The following EML5 variants were observed in gnomAD, a reference collection of about 807,000 sequenced individuals.
The protein encoded by EML5 is EMAP like 5, also known as echinoderm microtubule-associated protein-like 5.
Under a neutral mutation model 250.0 loss-of-function variants are expected in EML5, and 120 were observed. The observed-to-expected ratio is 0.48, with a 90% confidence interval of 0.41 to 0.56. The LOEUF is 0.56. Ranked by LOEUF, EML5 falls within the 20% of genes least tolerant of loss-of-function variation. The probability of loss-of-function intolerance (pLI) is 0.00; values close to 1 mark genes in which losing one functional copy is unlikely to be tolerated. For synonymous variants in EML5, 771 were observed against 806.5 expected (o/e 0.96, Z 0.75); for missense variants, 2,006 against 2,437.6 (o/e 0.82, Z 3.73).
At chr14:88,778,012 G>A (rs892914706) in intron 1 of EML5, among the ~76,000 whole-genome samples, 15 of 152,198 alleles carry the variant, frequency 9.9e-5, no homozygotes, top group Non-Finnish European at 4.4e-5. Flanking sequence ...AGGGGACCAA[G>A]TTAGGGCATA....
chr14:88,646,949 G>T lies in EML5; in HGVS notation c.4026C>A (p.Ser1342=). 1 of 1,592,414 alleles carries T rather than the reference G, an allele frequency of 6.3e-7. No individual in the cohort carries two copies. ...IDERQGVVRG[S]RPPVSRAPPQ... Reference sequence around the variant, plus strand: ...AAACACAGCAAAGAGAGGATTACCTGGAACCTCTTTTCAGCAGCAGATAAA... The same window carrying T: ...AAACACAGCAAAGAGAGGATTACCTTGAACCTCTTTTCAGCAGCAGATAAA... Residue 1342 remains serine, a splice_region_variant and synonymous_variant, in exon 29 of 44, where the codon TCC becomes TCA. Coordinates refer to ENST00000554922, the MANE Select transcript of EML5 (RefSeq NM_183387.3).
chr14:88,769,452 C>T (rs943984708), intron 1 of EML5, among the ~76,000 whole-genome samples: 2 of 152,166 alleles, frequency 1.3e-5, no homozygotes, highest in African/African-American at 4.8e-5. Flanking sequence ...CCAGCTAAAC[C>T]TCTTTTCTTT....
At chr14:88,644,771 T>C (rs1408426717) in intron 29 of EML5, 3 of 273,752 alleles carry the variant, frequency 1.1e-5, no homozygotes, top group Admixed American at 4.9e-5. Context: ...AGTGCAGTGG[T>C]GCAATCTTGG....
chr14:88,627,061 C>G lies in EML5; in HGVS notation c.4532-15G>C. ...AATTTTGGCACCTGACAAGATACAA[C>G]AAAATTATCTAGGTTATTACAAGAA... On this transcript the variant is annotated splice_polypyrimidine_tract_variant and intron_variant, in intron 34 of 43. Transcript: ENST00000554922. The G allele has an allele frequency of 3.1e-6, 5 of 1,612,490 alleles. No homozygotes were observed. The highest frequency in any genetic ancestry group is 4.2e-6 in the Non-Finnish European group (5 of 1,179,130).
intron 14 of EML5, among the ~76,000 whole-genome samples, chr14:88,699,876 A>AT (rs765201505): frequency 6.6e-6 from 1 of 152,128 alleles, no homozygotes; most frequent in Non-Finnish European, 1.5e-5. Flanking sequence ...AATCCTATTT[A>AT]TCTCCATTTT....
chr14:88,759,001 A>G (rs973794504), intron 1 of EML5, among the ~76,000 whole-genome samples: 1 of 152,196 alleles, frequency 6.6e-6, no homozygotes, highest in Non-Finnish European at 1.5e-5. Context: ...CTGGAAGGAG[A>G]GGAGAATGGA....
intron 1 of EML5, among the ~76,000 whole-genome samples, chr14:88,766,257 C>T (rs2094318702): frequency 1.3e-5 from 2 of 152,180 alleles, no homozygotes; most frequent in Non-Finnish European, 2.9e-5. Context: ...AGGGAGATAA[C>T]CATTAGGTCT....
At chr14:88,655,902 C>G (rs938714415) in intron 27 of EML5, among the ~76,000 whole-genome samples, 1 of 152,064 alleles carries the variant, frequency 6.6e-6, no homozygotes, top group Non-Finnish European at 1.5e-5. Context: ...AAATGCAAAT[C>G]GAAACCACAA....
At chr14:88,710,974 A>G (rs564556545) in intron 10 of EML5, among the ~76,000 whole-genome samples, 1 of 152,352 alleles carries the variant, frequency 6.6e-6, no homozygotes, top group East Asian at 1.9e-4. Context: ...CTTGACTAAG[A>G]AAACTAAGAA....
At chr14:88,640,252 A>G (rs916954510) in intron 31 of EML5, among the ~76,000 whole-genome samples, 1 of 152,180 alleles carries the variant, frequency 6.6e-6, no homozygotes, top group Non-Finnish European at 1.5e-5. Flanking sequence ...TAGAATATAC[A>G]TTCTTCTCAT....
chr14:88,767,610 G>A (rs888566619), intron 1 of EML5, among the ~76,000 whole-genome samples: 1 of 151,996 alleles, frequency 6.6e-6, no homozygotes, highest in African/African-American at 2.4e-5. Flanking sequence ...TTTCTCAACT[G>A]TATTTTTTTG....
chr14:88,626,597 A>C (rs2089976816), intron 35 of EML5: 1 of 481,078 alleles, frequency 2.1e-6, no homozygotes, highest in South Asian at 2.4e-5. Context: ...AGCCCAGGCG[A>C]CAGAGTGAGA....
At chr14:88,705,433 A>G in intron 12 of EML5, 49 bp downstream of exon 12, 3 of 1,337,476 alleles carry the variant, frequency 2.2e-6, no homozygotes, top group Non-Finnish European at 3.2e-6. Flanking sequence ...AGCAAGATAA[A>G]GAAGAAATTA....
intron 7 of EML5, among the ~76,000 whole-genome samples, chr14:88,732,279 C>T (rs1159465642): frequency 6.6e-6 from 1 of 152,188 alleles, no homozygotes; most frequent in African/African-American, 2.4e-5. Context: ...CAGCTTTCTA[C>T]ATATGGCTAG....
chr14:88,664,027 C>A (rs1220631004), intron 23 of EML5, among the ~76,000 whole-genome samples: 1 of 151,764 alleles, frequency 6.6e-6, no homozygotes, highest in African/African-American at 2.4e-5. Flanking sequence ...CCTATAATCA[C>A]AGCACTTTGG....
intron 27 of EML5, among the ~76,000 whole-genome samples, chr14:88,651,374 T>G (rs2140814828): frequency 6.6e-6 from 1 of 152,182 alleles, no homozygotes; most frequent in South Asian, 2.1e-4. Flanking sequence ...AAGATTTCAG[T>G]TATGACAGTG....
chr14:88,625,382 C>A, intron 35 of EML5: 1 of 404,606 alleles, frequency 2.5e-6, no homozygotes, highest in African/African-American at 2.1e-5. Context: ...CCAATTCTAA[C>A]ATACTATAAT....
Position 88,792,509 on chromosome 14 carries a change from G to T in EML5, c.-6C>A. The T allele has an allele frequency of 7.3e-7, 1 of 1,363,126 alleles. No individual in the cohort carries two copies. Among genetic ancestry groups the T allele is most frequent in the South Asian group, 1.9e-5 (1 of 53,982 alleles). The allele number at this position is 1,363,126 out of a possible 1,614,324, so 84.4% of individuals were successfully genotyped here. A position where few individuals can be genotyped will look rare whatever the true frequency, so the allele number is the denominator to read the frequency against. ...GGGGCGCTCCGGGCCGCCATGTCGG[G>T]GCGCCCACCCGCCGCTCCCGCTCGG... is the stretch of plus-strand genomic sequence containing the variant. On this transcript the variant is annotated 5_prime_UTR_variant, in exon 1 of 44. Transcript: ENST00000554922. This position sits in a 1 kb window ranked among gnomAD's most constrained non-coding sequence, Gnocchi z 6.9.
chr14:88,648,871 CAT>C (rs1491102364), intron 28 of EML5, among the ~76,000 whole-genome samples: 2 of 152,088 alleles, frequency 1.3e-5, no homozygotes, highest in African/African-American at 4.8e-5. Context: ...ACTCTGAACT[CAT>C]ATCTTTGTAC....
Sources: gnomAD v4.1 joint callset for allele counts (sites outside exome capture counted in the v4.1 genomes callset) on GRCh38, gnomAD v4.1.1 for gene constraint, Gnocchi (gnomAD v3.1) non-coding constraint, MANE v1.5 for transcripts, NCBI Gene and HGNC (gene_info 2026-07-23, HGNC 2026-07-21) for gene names.